SLC6A2: variants seen among roughly 807,000 people sequenced by gnomAD.
SLC6A2 encodes solute carrier family 6 member 2.
SLC6A2 carries 26 observed loss-of-function variants against 71.7 expected under a neutral mutation model. That is an observed-to-expected ratio of 0.36 (90% confidence interval 0.27 to 0.50). The LOEUF is 0.50. SLC6A2 is among the 20% of genes least tolerant of loss of function. The probability of loss-of-function intolerance (pLI) is 0.96; values close to 1 mark genes in which losing one functional copy is unlikely to be tolerated. For missense variants in SLC6A2, 581 were observed against 803.9 expected (o/e 0.72, Z 3.35); for synonymous variants, 363 against 337.9 (o/e 1.07, Z -0.82).
chr16:55,700,315 T>C lies in SLC6A2; in HGVS notation c.1758+9T>C. ...AGGGCTCTCTTTGGGAGGTGAGCTC[T>C]GGTCCTCCCCAGGGGAACAGGGTGG... On this transcript the variant is annotated intron_variant, in intron 13 of 14. Transcript: ENST00000568943. 6.6e-7 allele frequency: 1 copy of C among 1,521,656 alleles called. No individual in the cohort carries two copies. Among genetic ancestry groups the C allele is most frequent in the Non-Finnish European group, 8.9e-7 (1 of 1,120,866 alleles). The allele number at this position is 1,521,656 out of a possible 1,614,324, so 94.3% of individuals were successfully genotyped here. A position where few individuals can be genotyped will look rare whatever the true frequency, so the allele number is the denominator to read the frequency against.
intron 5 of SLC6A2, among the ~76,000 whole-genome samples, chr16:55,688,695 C>A (rs879025598): frequency 6.6e-6 from 1 of 152,284 alleles, no homozygotes; most frequent in East Asian, 1.9e-4. Context: ...TTCTGACAAG[C>A]ACCTAGGTGA....
At position 55,685,296 on chromosome 16, in the gene SLC6A2, T is replaced by C; in HGVS notation, c.783+15T>C. 6.2e-7 allele frequency: 1 copy of C among 1,613,286 alleles called. No homozygotes were observed. Among genetic ancestry groups the C allele is most frequent in the African/African-American group, 1.3e-5 (1 of 75,022 alleles). ...CATCAGGAAAGGTAATATCTCTGTG[T>C]TTCTCTTTCACTTACTTGGGTGATC... On this transcript the variant is annotated intron_variant, in intron 5 of 14. Coordinates refer to ENST00000568943, the MANE Select transcript of SLC6A2 (RefSeq NM_001172501.3).
intron 13 of SLC6A2, among the ~76,000 whole-genome samples, chr16:55,701,450 G>C (rs1454801901): frequency 6.6e-6 from 1 of 152,158 alleles, no homozygotes; most frequent in Non-Finnish European, 1.5e-5. Flanking sequence ...CTCCACTGCA[G>C]GAGGGCTTTC....
At chr16:55,699,509 C>T in intron 11 of SLC6A2, 45 bp from the exon 12 acceptor site, 1 of 1,482,906 alleles carries the variant, frequency 6.7e-7, no homozygotes. Context: ...CTGGCCCTGG[C>T]TATCATGGGG....
chr16:55,694,059 T>C lies in SLC6A2; in HGVS notation c.968T>C (p.Phe323Ser). The C allele has an allele frequency of 6.2e-7, 1 of 1,613,836 alleles. No individual in the cohort carries two copies. Among genetic ancestry groups the C allele is most frequent in the Non-Finnish European group, 8.5e-7 (1 of 1,179,704 alleles). ...TQIFFSLGAG[F>S]GVLIAFASYN... ...ATATTTTTTTCCTTGGGGGCTGGATTTGGAGTATTGATTGCATTTGCCAGT... is the reference window on the plus strand; with the variant it reads ...ATATTTTTTTCCTTGGGGGCTGGATCTGGAGTATTGATTGCATTTGCCAGT... The change falls in exon 7 of 15, where the codon TTT becomes TCT. Residue 323 changes from phenylalanine to serine, a missense_variant. Phe to Ser is a radical substitution (Grantham distance 155, BLOSUM62 -2). Transcript: ENST00000568943.
intron 2 of SLC6A2, among the ~76,000 whole-genome samples, chr16:55,668,212 T>C (rs1311611316): frequency 6.6e-6 from 1 of 152,168 alleles, no homozygotes; most frequent in African/African-American, 2.4e-5. Flanking sequence ...AGACTGATAG[T>C]CTGAGTAGCT....
chr16:55,686,706 C>A (rs1162604342), intron 5 of SLC6A2, among the ~76,000 whole-genome samples: 1 of 152,090 alleles, frequency 6.6e-6, no homozygotes, highest in African/African-American at 2.4e-5. Context: ...AGATGAAATC[C>A]ATCAAGAACT....
chr16:55,676,611 T>C (rs1235765064), intron 4 of SLC6A2, among the ~76,000 whole-genome samples: 1 of 152,232 alleles, frequency 6.6e-6, no homozygotes, highest in Non-Finnish European at 1.5e-5. Flanking sequence ...TTAACCTCTG[T>C]GTTATGTTGG....
At chr16:55,686,526 G>A (rs1471242929) in intron 5 of SLC6A2, among the ~76,000 whole-genome samples, 2 of 152,166 alleles carry the variant, frequency 1.3e-5, no homozygotes, top group African/African-American at 4.8e-5. Flanking sequence ...TTCATTGGGG[G>A]CCACAGCGCA....
chr16:55,663,086 T>A (rs1351565209), intron 2 of SLC6A2, among the ~76,000 whole-genome samples: 1 of 152,222 alleles, frequency 6.6e-6, no homozygotes, highest in East Asian at 1.9e-4. Flanking sequence ...TCTGACCCAC[T>A]GTCTATAAAT....
chr16:55,660,718 C>A (rs1032730733), intron 2 of SLC6A2, among the ~76,000 whole-genome samples: 1 of 152,158 alleles, frequency 6.6e-6, no homozygotes, highest in Non-Finnish European at 1.5e-5. Context: ...TGAGATAACA[C>A]CACAAGATTT....
At chr16:55,667,515 A>G (rs1964787406) in intron 2 of SLC6A2, among the ~76,000 whole-genome samples, 1 of 152,214 alleles carries the variant, frequency 6.6e-6, no homozygotes, top group Non-Finnish European at 1.5e-5. Context: ...GCCTACCTCC[A>G]TCTACATCAG....
At position 55,666,389 on chromosome 16, in the gene SLC6A2, G is replaced by A. The variant is rs141110391; in HGVS notation, c.275-3176G>A. The stretch of plus-strand genomic sequence containing the variant: ...TCAGTTGACTTCACTCATCCCTGGA[G>A]CTCCTTCCTGACTCTTCAACCTGAA... On this transcript the variant is annotated intron_variant, in intron 2 of 14. Transcript: ENST00000568943. 7.0e-4 allele frequency among the ~76,000 whole-genome samples: 106 copies of A among 152,298 alleles called. 1 individual carries two copies. Among genetic ancestry groups the A allele is most frequent in the Middle Eastern group, 3.4e-3 (1 of 294 alleles).
chr16:55,667,946 C>T (rs942231086), intron 2 of SLC6A2, among the ~76,000 whole-genome samples: 1 of 152,166 alleles, frequency 6.6e-6, no homozygotes. Context: ...TTTCTCCAAC[C>T]CTCAGTTTCC....
intron 8 of SLC6A2, 86 bp from the exon 9 acceptor site, chr16:55,696,139 C>T: frequency 1.2e-6 from 1 of 842,666 alleles, no homozygotes; most frequent in Middle Eastern, 2.2e-4. Context: ...CATGACCGAA[C>T]AATTGGGCCC....
At chr16:55,657,166 C>T (rs1964479839) in intron 2 of SLC6A2, among the ~76,000 whole-genome samples, 198 bp downstream of exon 2, 1 of 152,066 alleles carries the variant, frequency 6.6e-6, no homozygotes, top group Admixed American at 6.5e-5. Context: ...AGGCTCTTTG[C>T]AGAGTACCTC....
rs764610941 is a variant in SLC6A2, at chr16:55,672,033, A to G, written c.502A>G (p.Thr168Ala). ...WSLYYLFSSFTLNLPWTDCGH... is the reference protein window; with the variant it reads ...WSLYYLFSSFALNLPWTDCGH... ...ACTCTACTACCTCTTCTCCTCCTTC[A>G]CCCTCAACCTGCCCTGGACCGACTG... The change falls in exon 4 of 15, where the codon ACC becomes GCC. Residue 168 changes from threonine to alanine, a missense_variant. By Grantham distance (58) the Thr-to-Ala change is moderately conservative (BLOSUM62 0). This residue lies in a region of SLC6A2 where 81 missense variants were observed against 152.4 expected (regional missense o/e 0.53). Transcript: ENST00000568943. 3.1e-6 allele frequency: 5 copies of G among 1,613,646 alleles called. No individual in the cohort carries two copies. Among genetic ancestry groups the G allele is most frequent in the Non-Finnish European group, 3.4e-6 (4 of 1,179,956 alleles).
chr16:55,687,571 T>C (rs1210292307), intron 5 of SLC6A2, among the ~76,000 whole-genome samples: 1 of 148,384 alleles, frequency 6.7e-6, no homozygotes, highest in African/African-American at 2.5e-5. Flanking sequence ...GCACTCTCTG[T>C]GCCTTTCCTG....
At chr16:55,675,180 T>C (rs1965046097) in intron 4 of SLC6A2, among the ~76,000 whole-genome samples, 1 of 152,306 alleles carries the variant, frequency 6.6e-6, no homozygotes, top group Non-Finnish European at 1.5e-5. Context: ...ATTTAAAATG[T>C]TTGCATAGCA....
Sources: gnomAD v4.1 joint callset for allele counts (sites outside exome capture counted in the v4.1 genomes callset) on GRCh38, gnomAD v4.1.1 for gene constraint, gnomAD v4.1.1 regional missense constraint, MANE v1.5 for transcripts, NCBI Gene and HGNC (gene_info 2026-07-23, HGNC 2026-07-21) for gene names.